ITPKB: variants seen among roughly 807,000 people sequenced by gnomAD.
ITPKB encodes inositol-trisphosphate 3-kinase B, also known as IP3 3-kinase B.
ITPKB carries 13 observed loss-of-function variants against 69.4 expected under a neutral mutation model. The observed-to-expected ratio is 0.19, with a 90% CI of 0.12 to 0.30. The LOEUF (loss-of-function observed/expected upper bound fraction) is 0.30, where lower values mean the gene tolerates loss of function less well. ITPKB is among the 10% of genes least tolerant of loss of function. The pLI, the probability that ITPKB is intolerant of heterozygous loss-of-function variation, is 1.00. For missense variants in ITPKB, 1,240 were observed against 1,250.5 expected (o/e 0.99, Z 0.13); for synonymous variants, 584 against 513.7 (o/e 1.14, Z -1.85).
intron 2 of ITPKB, among the ~76,000 whole-genome samples, chr1:226,726,686 A>AT (rs907420062): frequency 6.4e-4 from 94 of 147,410 alleles, no homozygotes; most frequent in South Asian, 1.1e-3. Flanking sequence ...AAATTCATAA[A>AT]TTTTTTTTTT....
chr1:226,714,525 G>C (rs1470604631), intron 2 of ITPKB, among the ~76,000 whole-genome samples: 1 of 152,182 alleles, frequency 6.6e-6, no homozygotes, highest in Admixed American at 6.5e-5. Flanking sequence ...CAGCACTGAA[G>C]AGTAAATTAA....
chr1:226,724,031 G>T (rs145871324), intron 2 of ITPKB, among the ~76,000 whole-genome samples: 1 of 152,270 alleles, frequency 6.6e-6, no homozygotes, highest in African/African-American at 2.4e-5. Flanking sequence ...TTCACAACTG[G>T]TGGAGGGGTG....
intron 4 of ITPKB, among the ~76,000 whole-genome samples, chr1:226,645,883 CA>C (rs960245513): frequency 6.6e-6 from 1 of 152,224 alleles, no homozygotes; most frequent in Non-Finnish European, 1.5e-5. Context: ...CTCCATCCCC[CA>C]TTCTTTCCCT....
At chr1:226,655,457 T>C (rs973392750) in intron 2 of ITPKB, among the ~76,000 whole-genome samples, 5 of 152,186 alleles carry the variant, frequency 3.3e-5, no homozygotes, top group Admixed American at 3.3e-4. Flanking sequence ...CAGAGGCTCC[T>C]CAATCCTAGG....
At chr1:226,666,613 A>C (rs899008437) in intron 2 of ITPKB, among the ~76,000 whole-genome samples, 1 of 152,170 alleles carries the variant, frequency 6.6e-6, no homozygotes, top group African/African-American at 2.4e-5. Context: ...CAAAACAGCC[A>C]GTCAATCACT....
rs146267726 is a variant in ITPKB at position 226,683,734 on chromosome 1, A to G, written c.1933-34963T>C. Reference sequence around the variant, plus strand: ...AGCAACACATCATTCCCTCTTTTCTATGCCTCTCTCCTTTCTTCATCTGAG... The same window carrying G: ...AGCAACACATCATTCCCTCTTTTCTGTGCCTCTCTCCTTTCTTCATCTGAG... On this transcript the variant is annotated intron_variant, in intron 2 of 7. Coordinates refer to ENST00000429204, the MANE Select transcript of ITPKB (RefSeq NM_002221.4). Among the ~76,000 whole-genome samples the G allele has an allele frequency of 3.9e-4, 59 of 152,106 alleles. 1 individual carries two copies. The East Asian group carries it at 0.011, about 29-fold the overall frequency.
rs1558103396 is a variant in ITPKB at position 226,737,173 on chromosome 1, T to C, written c.286A>G (p.Ser96Gly). 6.3e-7 allele frequency: 1 copy of C among 1,579,182 alleles called. No individual in the cohort carries two copies. Among genetic ancestry groups the C allele is most frequent in the Non-Finnish European group, 8.5e-7 (1 of 1,170,892 alleles). The change falls in exon 2 of 8, where the codon AGC (serine) becomes GGC (glycine). Residue 96 changes from serine (S) to glycine (G), a missense_variant. Transcript: ENST00000429204. ...CCAGCCCAACTTGGGCTGCTCACGCTACTGCCGCTGCTGCCGCTGCCACTG... is the reference window on the plus strand; with the variant it reads ...CCAGCCCAACTTGGGCTGCTCACGCCACTGCCGCTGCTGCCGCTGCCACTG... ...SGSGSGSSGS[S>G]VSSPSWAGRL...
chr1:226,662,794 T>G (rs957540057), intron 2 of ITPKB, among the ~76,000 whole-genome samples: 4 of 152,264 alleles, frequency 2.6e-5, no homozygotes, highest in African/African-American at 9.6e-5. Flanking sequence ...TATGCTGATG[T>G]GCCTGTGGCT....
intron 2 of ITPKB, among the ~76,000 whole-genome samples, chr1:226,692,249 G>GT (rs1045960157): frequency 1.3e-3 from 199 of 149,224 alleles, no homozygotes; most frequent in African/African-American, 4.2e-3. Context: ...AATCATGTGG[G>GT]TTTTTTTTTT....
chr1:226,672,474 C>T (rs1037132900), intron 2 of ITPKB, among the ~76,000 whole-genome samples: 1 of 152,212 alleles, frequency 6.6e-6, no homozygotes, highest in African/African-American at 2.4e-5. Flanking sequence ...CCTTTGAAAA[C>T]CTGCTTGTAA....
intron 7 of ITPKB, among the ~76,000 whole-genome samples, chr1:226,636,345 C>G (rs1194009746): frequency 6.6e-6 from 1 of 152,226 alleles, no homozygotes; most frequent in African/African-American, 2.4e-5. Flanking sequence ...CGAGAAGGAC[C>G]GAGCTCCCTG....
At chr1:226,716,554 G>T (rs1368636188) in intron 2 of ITPKB, among the ~76,000 whole-genome samples, 1 of 152,098 alleles carries the variant, frequency 6.6e-6, no homozygotes, top group Non-Finnish European at 1.5e-5. Flanking sequence ...TATTTATCCT[G>T]ATGCTTTCCC....
At chr1:226,639,407 C>T in intron 6 of ITPKB, 150 bp downstream of exon 6, 1 of 617,742 alleles carries the variant, frequency 1.6e-6, no homozygotes, top group Non-Finnish European at 2.9e-6. Flanking sequence ...AAAGTCTCTG[C>T]CAGTGGCCTC....
At position 226,642,194 on chromosome 1, in the gene ITPKB, C is replaced by T; in HGVS notation, c.2247-69G>A. The T allele has an allele frequency of 2.3e-6, 3 of 1,312,526 alleles. 1 individual carries two copies. In the South Asian group the frequency reaches 3.9e-5, roughly 17 times the overall value. The allele number at this position is 1,312,526 out of a possible 1,614,324, so 81.3% of individuals were successfully genotyped here. ...GGGCTCACCAGCAGCTCCTTTCCTG[C>T]CTGGTGGATGAAGGTTTGGGGCGTG... On this transcript the variant is annotated intron_variant, in intron 4 of 7. Transcript: ENST00000429204. The surrounding 1 kb of genome is among the most constrained non-coding windows in gnomAD (Gnocchi z 6.4).
At position 226,737,571 on chromosome 1, in the gene ITPKB, C is replaced by G. The variant is rs528803451; in HGVS notation, c.-113G>C. The G allele has an allele frequency of 1.5e-5, 18 of 1,211,228 alleles. 1 individual carries two copies. The South Asian group carries it at 7.2e-4, about 48-fold the overall frequency. 75.0% of individuals were successfully genotyped at this position (1,211,228 alleles called of 1,614,324 possible). A position where few individuals can be genotyped will look rare whatever the true frequency, so the allele number is the denominator to read the frequency against. ...CCCGGAGGCCCGGCAGCCGCGGCTC[C>G]GCGCGCAGATGGGGCGGCATGGCCT... On this transcript the variant is annotated 5_prime_UTR_variant, in exon 2 of 8. Coordinates refer to ENST00000429204, the MANE Select transcript of ITPKB (RefSeq NM_002221.4).
intron 2 of ITPKB, among the ~76,000 whole-genome samples, chr1:226,678,955 T>C (rs1487828245): frequency 6.6e-6 from 1 of 152,212 alleles, no homozygotes; most frequent in African/African-American, 2.4e-5. Context: ...GGAGGGCTAC[T>C]GATGAGGAAG....
At chr1:226,686,346 G>A (rs755385401) in intron 2 of ITPKB, among the ~76,000 whole-genome samples, 1 of 152,240 alleles carries the variant, frequency 6.6e-6, no homozygotes, top group Non-Finnish European at 1.5e-5. Context: ...GGAAGCCATA[G>A]TCAGTTTCAA....
Position 226,735,695 on chromosome 1 carries a change from G to T in ITPKB, c.1764C>A (p.Ser588Arg). 6.3e-7 allele frequency: 1 copy of T among 1,597,772 alleles called. No homozygotes were observed. The highest frequency in any genetic ancestry group is 8.5e-7 in the Non-Finnish European group (1 of 1,171,064). The change falls in exon 2 of 8, where the codon AGC becomes AGA. Residue 588 changes from serine (S) to arginine (R), a missense_variant. This residue lies in a region of ITPKB where 992 missense variants were observed against 853.8 expected (regional missense o/e 1.16). Coordinates refer to ENST00000429204, the MANE Select transcript of ITPKB (RefSeq NM_002221.4). Reference protein sequence around the residue: ...EDGALEETQGSPRGNLPLRKL... With the variant: ...EDGALEETQGRPRGNLPLRKL... ...TCCTCAGGGGCAGGTTGCCCCGAGG[G>T]CTTCCCTGCGTCTCCTCCAAGGCCC...
intron 4 of ITPKB, among the ~76,000 whole-genome samples, chr1:226,645,278 T>C (rs1457350416): frequency 6.6e-6 from 1 of 152,132 alleles, no homozygotes; most frequent in Non-Finnish European, 1.5e-5. Context: ...CCTCCACACA[T>C]ACTCCTCTCT....
Sources: gnomAD v4.1 joint callset for allele counts (sites outside exome capture counted in the v4.1 genomes callset) on GRCh38, gnomAD v4.1.1 for gene constraint, gnomAD v4.1.1 regional missense constraint, Gnocchi (gnomAD v3.1) non-coding constraint, MANE v1.5 for transcripts, NCBI Gene and HGNC (gene_info 2026-07-23, HGNC 2026-07-21) for gene names.